Variants in ABCC2 observed in about 807,000 individuals in gnomAD.
The protein encoded by ABCC2 is ATP binding cassette subfamily C member 2.
Under a neutral mutation model 173.4 loss-of-function variants are expected in ABCC2, and 157 were observed. The observed-to-expected ratio is 0.91, with a 90% confidence interval of 0.80 to 1.03. The LOEUF is 1.03. ABCC2 is among the 50% of genes least tolerant of loss of function. ABCC2 has a pLI of 0.00. For missense variants in ABCC2, 1,822 were observed against 1,852.3 expected (o/e 0.98, Z 0.30); for synonymous variants, 657 against 693.5 (o/e 0.95, Z 0.83).
In ABCC2 at chr10:99,841,531, G is replaced by A. The variant is rs190591350; in HGVS notation, c.3615-436G>A. On this transcript the variant is annotated intron_variant, in intron 25 of 31. Coordinates refer to ENST00000647814, the MANE Select transcript of ABCC2 (RefSeq NM_000392.5). Reference sequence around the variant, plus strand: ...GATCACGCCACTGCACTCTAGCCTTGGTGACAGAGCAAGACCTTGTCTCAT... The same window carrying A: ...GATCACGCCACTGCACTCTAGCCTTAGTGACAGAGCAAGACCTTGTCTCAT... Among the ~76,000 whole-genome samples, 3 of 152,174 alleles carry A rather than the reference G, an allele frequency of 2.0e-5. No homozygotes were observed. The East Asian group carries it at 5.8e-4, about 29-fold the overall frequency.
chr10:99,812,367 A>G (rs574460871), intron 15 of ABCC2, among the ~76,000 whole-genome samples: 33 of 152,342 alleles, frequency 2.2e-4, no homozygotes, highest in Non-Finnish European at 2.5e-4. Flanking sequence ...GCGCAGATTC[A>G]GAAAGACTGT....
intron 6 of ABCC2, among the ~76,000 whole-genome samples, chr10:99,795,801 A>AAGAAAGAAAGAAAGATAGAG (rs58906337): frequency 1.7e-3 from 169 of 102,384 alleles, no homozygotes; most frequent in Middle Eastern, 5.1e-3. Context: ...GAAAGAAAGA[A>AAGAAAGAAAGAAAGATAGAG]AGATTTCTAA....
intron 15 of ABCC2, 98 bp downstream of exon 15, chr10:99,811,700 C>A: frequency 7.4e-7 from 1 of 1,355,612 alleles, no homozygotes; most frequent in Non-Finnish European, 1.1e-6. Context: ...GGGAAATGAG[C>A]TATGTGCATG....
rs753252374 is a variant in ABCC2, at chr10:99,812,937, T to C, written c.1968-81T>C. The C allele has an allele frequency of 1.1e-5, 17 of 1,566,832 alleles. No individual in the cohort carries two copies. The South Asian group carries it at 1.9e-4, about 18-fold the overall frequency. On this transcript the variant is annotated intron_variant, in intron 15 of 31. Transcript: ENST00000647814. ...GGAAATCTCCTGATACCAGACTTCA[T>C]GGAGACTCAGAGAAGTGACTTGAAC... is the stretch of plus-strand genomic sequence containing the variant.
chr10:99,782,968 A>C (rs1441788025), intron 1 of ABCC2, 91 bp downstream of exon 1: 1 of 1,294,942 alleles, frequency 7.7e-7, no homozygotes, highest in Non-Finnish European at 1.1e-6. Flanking sequence ...AACAAGAACC[A>C]GAAATGTTAG....
rs752069285 is a variant in ABCC2, at chr10:99,805,392, T to G, written c.1475T>G (p.Met492Arg). 6.2e-7 allele frequency: 1 copy of G among 1,613,846 alleles called. No homozygotes were observed. The highest frequency in any genetic ancestry group is 1.7e-5 in the Admixed American group (1 of 60,004). The change falls in exon 11 of 32, where the codon ATG (methionine) becomes AGG (arginine). Residue 492 changes from methionine (M) to arginine (R), a missense_variant. By Grantham distance (91) the Met-to-Arg change is moderately conservative. Coordinates refer to ENST00000647814, the MANE Select transcript of ABCC2 (RefSeq NM_000392.5). ...TKSKTIQVKN[M>R]KNKDKRLKIM... is the part of the protein sequence containing the mutation. The stretch of plus-strand genomic sequence containing the variant: ...CTTTTTTCCTGGCAGGTCAAAAATA[T>G]GAAGAATAAAGACAAACGTTTAAAG...
At chr10:99,842,593 T>C (rs2038963686) in intron 26 of ABCC2, among the ~76,000 whole-genome samples, 1 of 152,172 alleles carries the variant, frequency 6.6e-6, no homozygotes, top group South Asian at 2.1e-4. Flanking sequence ...CAGGCATGAT[T>C]CTTTTCTAGC....
At position 99,830,768 on chromosome 10, in the gene ABCC2, C is replaced by T. The variant is rs777771609; in HGVS notation, c.2800C>T (p.Arg934Trp). Residue 934 changes from arginine (R) to tryptophan (W), a missense_variant, in exon 21 of 32, where the codon CGG (arginine) becomes TGG (tryptophan). By Grantham distance (101) the Arg-to-Trp change is moderately radical. Coordinates refer to ENST00000647814, the MANE Select transcript of ABCC2 (RefSeq NM_000392.5). ...GTCCCTGAGAAACTCCTTGAAAACT[C>T]GGAATGTGAATAGCCTGAAGGAAGA... ...LKSLRNSLKT[R>W]NVNSLKEDEE... The T allele has an allele frequency of 2.0e-5, 32 of 1,613,988 alleles. No individual in the cohort carries two copies. The highest frequency in any genetic ancestry group is 4.4e-5 in the South Asian group (4 of 91,056).
rs1258046212 is a variant in ABCC2 at position 99,814,198 on chromosome 10, T to TGC, written c.2094+1054_2094+1055insGC. 3.1e-3 allele frequency among the ~76,000 whole-genome samples: 255 copies of TGC among 81,994 alleles called. 17 individuals carry two copies. Among genetic ancestry groups the TGC allele is most frequent in the African/African-American group, 0.01 (220 of 21,416 alleles). The allele number at this position is 81,994 out of a possible 152,430, so 53.8% of individuals were successfully genotyped here. A position where few individuals can be genotyped will look rare whatever the true frequency, so the allele number is the denominator to read the frequency against. On this transcript the variant is annotated intron_variant, in intron 16 of 31. Coordinates refer to ENST00000647814, the MANE Select transcript of ABCC2 (RefSeq NM_000392.5). ...ACACATGTATGTATACACACATGTG[T>TGC]ATATATACACACATGTGTATATATA... is the stretch of plus-strand genomic sequence containing the variant.
chr10:99,849,710 A>G (rs2039063190), intron 30 of ABCC2, among the ~76,000 whole-genome samples: 1 of 152,188 alleles, frequency 6.6e-6, no homozygotes, highest in African/African-American at 2.4e-5. Flanking sequence ...AGTGTCTCTG[A>G]TCTTACATTA....
chr10:99,830,286 A>G, intron 19 of ABCC2, 21 bp from the exon 20 acceptor site: 2 of 1,613,990 alleles, frequency 1.2e-6, no homozygotes, highest in South Asian at 2.2e-5. Flanking sequence ...TCTTTCCCTA[A>G]CCTCTACTGT....
chr10:99,799,095 A>T, intron 7 of ABCC2, 112 bp from the exon 8 acceptor site: 1 of 1,218,200 alleles, frequency 8.2e-7, no homozygotes, highest in Non-Finnish European at 1.2e-6. Flanking sequence ...GGGAGAGATG[A>T]TCAAAACCTG....
rs1564682949 is a variant in ABCC2 at position 99,814,095 on chromosome 10, A to ATATATACACATATATGTG, written c.2094+961_2094+962insTATATGTGTATATACACA. On this transcript the variant is annotated intron_variant, in intron 16 of 31. Coordinates refer to ENST00000647814, the MANE Select transcript of ABCC2 (RefSeq NM_000392.5). Reference sequence around the variant, plus strand: ...TATATGTGTATGTGTATATACACATATATATACACACATATGTGTATATAC... The same window carrying ATATATACACATATATGTG: ...TATATGTGTATGTGTATATACACATATATATACACATATATGTGTATATACACACATATGTGTATATAC... Among the ~76,000 whole-genome samples, 127 of 135,364 alleles carry ATATATACACATATATGTG rather than the reference A, an allele frequency of 9.4e-4. 33 individuals carry two copies. Among genetic ancestry groups the ATATATACACATATATGTG allele is most frequent in the Middle Eastern group, 4.3e-3 (1 of 234 alleles). The allele number at this position is 135,364 out of a possible 152,430, so 88.8% of individuals were successfully genotyped here. A position where few individuals can be genotyped will look rare whatever the true frequency, so the allele number is the denominator to read the frequency against.
At chr10:99,784,821 G>T (rs1264326845) in intron 2 of ABCC2, 40 bp downstream of exon 2, 2 of 1,604,792 alleles carry the variant, frequency 1.2e-6, no homozygotes, top group Admixed American at 3.3e-5. Flanking sequence ...TAATTCCTTG[G>T]TGCACAGTAG....
At chr10:99,803,987 C>T in intron 9 of ABCC2, 32 bp from the exon 10 acceptor site, 1 of 1,613,910 alleles carries the variant, frequency 6.2e-7, no homozygotes, top group Non-Finnish European at 8.5e-7. Flanking sequence ...TTGGCTTTGT[C>T]CATGGGTCCT....
intron 3 of ABCC2, among the ~76,000 whole-genome samples, chr10:99,793,231 A>C (rs1012824489): frequency 2.0e-5 from 3 of 152,222 alleles, no homozygotes; most frequent in African/African-American, 7.2e-5. Flanking sequence ...GCAATGTCTG[A>C]ATTTAATTTT....
intron 2 of ABCC2, among the ~76,000 whole-genome samples, chr10:99,791,853 T>C (rs921810866): frequency 2.0e-5 from 3 of 152,198 alleles, no homozygotes; most frequent in Non-Finnish European, 4.4e-5. Flanking sequence ...ATAATCCACA[T>C]TGCTTTTTTA....
chr10:99,843,770 T>C (rs751302929), intron 26 of ABCC2, 29 bp from the exon 27 acceptor site: 11 of 1,593,562 alleles, frequency 6.9e-6, no homozygotes, highest in Non-Finnish European at 8.6e-6. Flanking sequence ...GTGCCTATGA[T>C]GATTTTCAGT....
In ABCC2 at chr10:99,782,743, G is replaced by T; in HGVS notation, c.-102G>T. The T allele has an allele frequency of 7.6e-7, 1 of 1,322,804 alleles. No individual in the cohort carries two copies. Among genetic ancestry groups the T allele is most frequent in the East Asian group, 2.3e-5 (1 of 43,296 alleles). 81.9% of individuals were successfully genotyped at this position (1,322,804 alleles called of 1,614,324 possible). A position where few individuals can be genotyped will look rare whatever the true frequency, so the allele number is the denominator to read the frequency against. On this transcript the variant is annotated 5_prime_UTR_variant, in exon 1 of 32. Coordinates refer to ENST00000647814, the MANE Select transcript of ABCC2 (RefSeq NM_000392.5). ...ATCCTTTACGGAGAACATCAGAATG[G>T]TAGATAATTCCTGTTCCACTTTCTT...
Sources: allele counts gnomAD v4.1 joint callset (sites outside exome capture counted in the v4.1 genomes callset), GRCh38; gene constraint gnomAD v4.1.1; transcripts MANE v1.5; gene names NCBI Gene and HGNC (gene_info 2026-07-23, HGNC 2026-07-21).